SAE1: variants seen among roughly 807,000 people sequenced by gnomAD.
The protein encoded by SAE1 is SUMO-activating enzyme subunit 1.
Under a neutral mutation model 40.6 loss-of-function variants are expected in SAE1, and 11 were observed. That is an observed-to-expected ratio of 0.27 (90% confidence interval 0.17 to 0.45). The LOEUF (loss-of-function observed/expected upper bound fraction) is 0.45, where lower values mean the gene tolerates loss of function less well. Among genes scored for constraint, SAE1 ranks in the 20% least tolerant of loss-of-function variants. The pLI, the probability that SAE1 is intolerant of heterozygous loss-of-function variation, is 1.00. For missense variants in SAE1, 373 were observed against 427.3 expected (o/e 0.87, Z 1.12); for synonymous variants, 155 against 154.3 (o/e 1.00, Z -0.03).
chr19:47,148,939 T>C (rs1304891695), intron 2 of SAE1, among the ~76,000 whole-genome samples: 5 of 151,874 alleles, frequency 3.3e-5, no homozygotes, highest in Admixed American at 6.6e-5. Context: ...TTTTTAAAAG[T>C]TCATTTCAAG....
intron 2 of SAE1, among the ~76,000 whole-genome samples, chr19:47,143,887 G>T (rs2058238371): frequency 6.6e-6 from 1 of 152,164 alleles, no homozygotes. Context: ...TTGTGAGGAG[G>T]TGTAGAGAAG....
At chr19:47,150,408 A>G (rs758793908) in intron 3 of SAE1, 33 bp downstream of exon 3, 4 of 1,531,214 alleles carry the variant, frequency 2.6e-6, no homozygotes, top group Non-Finnish European at 3.6e-6. Flanking sequence ...TGCTGTGGGA[A>G]TTAAACAAAT....
intron 1 of SAE1, among the ~76,000 whole-genome samples, chr19:47,140,704 G>A (rs989375042): frequency 6.6e-6 from 1 of 151,890 alleles, no homozygotes; most frequent in African/African-American, 2.4e-5. Context: ...CCGAGGTGGC[G>A]GGATCACTTG....
At position 47,197,176 on chromosome 19, in the gene SAE1, A is replaced by G. The variant is rs2058621279; in HGVS notation, c.734-57A>G. Reference sequence around the variant, plus strand: ...AGCCTGGGCGACAGTGTGAGCCTCCATCTCCAAAAAAAAAAAAAAGTGGCT... The same window carrying G: ...AGCCTGGGCGACAGTGTGAGCCTCCGTCTCCAAAAAAAAAAAAAAGTGGCT... On this transcript the variant is annotated intron_variant, in intron 6 of 8. Transcript: ENST00000270225. 13 of 1,528,174 alleles carry G rather than the reference A, an allele frequency of 8.5e-6. No individual in the cohort carries two copies. In the South Asian group the frequency reaches 1.2e-4, roughly 15 times the overall value. The allele number at this position is 1,528,174 out of a possible 1,614,324, so 94.7% of individuals were successfully genotyped here.
chr19:47,208,903 T>C (rs1379410412), intron 8 of SAE1, among the ~76,000 whole-genome samples: 1 of 152,202 alleles, frequency 6.6e-6, no homozygotes, highest in African/African-American at 2.4e-5. Flanking sequence ...GGCAAATACA[T>C]TTCTTAATCT....
At chr19:47,200,615 CCTT>C (rs1449246841) in intron 7 of SAE1, among the ~76,000 whole-genome samples, 1 of 152,080 alleles carries the variant, frequency 6.6e-6, no homozygotes, top group Admixed American at 6.6e-5. Context: ...TTCAAGCCAT[CCTT>C]CTGCCTTGGC....
chr19:47,143,127 C>G (rs181880706), intron 1 of SAE1, among the ~76,000 whole-genome samples: 1 of 151,204 alleles, frequency 6.6e-6, no homozygotes, highest in Admixed American at 6.6e-5. Flanking sequence ...TTTTTTGAGA[C>G]GGAGTCTCAC....
chr19:47,152,855 A>G, intron 3 of SAE1, 43 bp from the exon 4 acceptor site: 1 of 1,596,628 alleles, frequency 6.3e-7, no homozygotes, highest in Non-Finnish European at 8.6e-7. Flanking sequence ...AGTGATTCAC[A>G]GTTTGCAAAA....
At chr19:47,192,166 G>A (rs1382787406) in intron 6 of SAE1, among the ~76,000 whole-genome samples, 1 of 152,106 alleles carries the variant, frequency 6.6e-6, no homozygotes, top group Non-Finnish European at 1.5e-5. Context: ...CATTTCACAT[G>A]GCTTAGCACT....
At position 47,169,871 on chromosome 19, in the gene SAE1, G is replaced by C. The variant is rs140930585; in HGVS notation, c.681G>C (p.Glu227Asp). Residue 227 changes from glutamate (E) to aspartate (D), a missense_variant, in exon 6 of 9, where the codon GAG becomes GAC. By Grantham distance (45) the Glu-to-Asp change is conservative. This residue lies in a region of SAE1 where 351 missense variants were observed against 390.6 expected (regional missense o/e 0.90). Transcript: ENST00000270225. ...CCCTGGAGGTGGACTGGAGCAGTGA[G>C]AAAGCAAAGGCTGCTCTGAAGCGCA... The part of the protein sequence containing the change: ...KEALEVDWSS[E>D]KAKAALKRTT... 45 of 1,614,100 alleles carry C rather than the reference G, an allele frequency of 2.8e-5. No homozygotes were observed. In the African/African-American group the frequency reaches 5.7e-4, roughly 21 times the overall value.
intron 6 of SAE1, among the ~76,000 whole-genome samples, chr19:47,174,491 G>T (rs2058455971): frequency 6.7e-6 from 1 of 150,146 alleles, no homozygotes; most frequent in Non-Finnish European, 1.5e-5. Flanking sequence ...CCACCTCCCA[G>T]GTTTAAGCAA....
chr19:47,142,899 G>C (rs1466040112), intron 1 of SAE1, among the ~76,000 whole-genome samples: 2 of 152,078 alleles, frequency 1.3e-5, no homozygotes, highest in Non-Finnish European at 2.9e-5. Context: ...CACATATTAT[G>C]TATCTATTTG....
intron 5 of SAE1, among the ~76,000 whole-genome samples, chr19:47,157,542 G>C (rs1055267250): frequency 2.0e-5 from 3 of 152,202 alleles, no homozygotes; most frequent in Non-Finnish European, 2.9e-5. Context: ...TTCACAGCTG[G>C]AAGTTTCCCT....
chr19:47,152,796 G>C lies in SAE1; in HGVS notation c.385-102G>C, dbSNP rs2123212384. The stretch of plus-strand genomic sequence containing the variant: ...GTTGTACCAGTTTGAAACATGCTTT[G>C]AGCATGCCCAGAGAGACTGTTCATT... On this transcript the variant is annotated intron_variant, in intron 3 of 8. Transcript: ENST00000270225. The C allele has an allele frequency of 5.3e-6, 6 of 1,140,800 alleles. No individual in the cohort carries two copies. In the East Asian group the frequency reaches 1.0e-4, roughly 19 times the overall value. The allele number at this position is 1,140,800 out of a possible 1,614,324, so 70.7% of individuals were successfully genotyped here.
In SAE1 at chr19:47,165,206, C is replaced by T. The variant is rs1281053350; in HGVS notation, c.628-4612C>T. Among the ~76,000 whole-genome samples, 19 of 148,598 alleles carry T rather than the reference C, an allele frequency of 1.3e-4. No homozygotes were observed. The Admixed American group carries it at 1.3e-3, about 10-fold the overall frequency. Reference sequence around the variant, plus strand: ...CTGGGTTCAAGCGATTCTCCTGTCTCAGCCTCCCAAGTAGCTGGGATTACA... The same window carrying T: ...CTGGGTTCAAGCGATTCTCCTGTCTTAGCCTCCCAAGTAGCTGGGATTACA... On this transcript the variant is annotated intron_variant, in intron 5 of 8. Transcript: ENST00000270225.
chr19:47,151,381 C>T (rs753902023), intron 3 of SAE1, among the ~76,000 whole-genome samples: 21 of 152,086 alleles, frequency 1.4e-4, no homozygotes, highest in Non-Finnish European at 2.2e-4. Context: ...GAACCCCTGA[C>T]CTCAGGTAAT....
chr19:47,158,066 G>C (rs1446051200), intron 5 of SAE1, among the ~76,000 whole-genome samples: 1 of 151,144 alleles, frequency 6.6e-6, no homozygotes, highest in East Asian at 1.9e-4. Context: ...TAACTAGTTG[G>C]GTTGTGCTCA....
intron 6 of SAE1, among the ~76,000 whole-genome samples, chr19:47,192,496 C>T (rs2058585504): frequency 6.6e-6 from 1 of 151,858 alleles, no homozygotes; most frequent in Non-Finnish European, 1.5e-5. Context: ...ATCCACCCGC[C>T]TTGGCCTCCC....
At chr19:47,200,088 G>T (rs749665937) in intron 7 of SAE1, among the ~76,000 whole-genome samples, 37 of 151,990 alleles carry the variant, frequency 2.4e-4, no homozygotes, top group Middle Eastern at 3.4e-3. Context: ...CCGCCACCAC[G>T]CCCAGCTAAT....
Sources: allele counts gnomAD v4.1 joint callset (sites outside exome capture counted in the v4.1 genomes callset), GRCh38; gene constraint gnomAD v4.1.1; regional missense constraint gnomAD v4.1.1; transcripts MANE v1.5; gene names NCBI Gene and HGNC (gene_info 2026-07-23, HGNC 2026-07-21).